Variants in ZNF429 observed in about 807,000 individuals in gnomAD.
The protein encoded by ZNF429 is zinc finger protein 429.
Under a neutral mutation model 56.8 loss-of-function variants are expected in ZNF429, and 53 were observed. The observed-to-expected ratio is 0.93, with a 90% CI of 0.75 to 1.17. The LOEUF is 1.17. ZNF429 is among the 50% of genes most tolerant of loss of function. The pLI, the probability that ZNF429 is intolerant of heterozygous loss-of-function variation, is 0.00. For synonymous variants in ZNF429, 278 were observed against 264.7 expected, an observed-to-expected ratio of 1.05 and a Z score of -0.49; for missense variants, 849 against 788.4, an observed-to-expected ratio of 1.08 and a Z score of -0.92.
In ZNF429 at chr19:21,537,023, C is replaced by T. The variant is rs183440160; in HGVS notation, c.970C>T (p.Arg324Trp). ...KCKECGKAFN[R>W]SSTLTSHKRI... ...TAAAGAATGTGGCAAAGCCTTTAAC[C>T]GGTCCTCAACCCTTACTAGCCATAA... Residue 324 changes from arginine to tryptophan, a missense_variant, in exon 4 of 4, where the codon CGG becomes TGG. Arg to Trp is a moderately radical substitution (Grantham distance 101). Coordinates refer to ENST00000358491, the MANE Select transcript of ZNF429 (RefSeq NM_001001415.4). The T allele has an allele frequency of 2.0e-5, 32 of 1,612,762 alleles. No homozygotes were observed. Among genetic ancestry groups the T allele is most frequent in the Middle Eastern group, 1.7e-4 (1 of 6,058 alleles).
At chr19:21,515,942 G>A (rs1050110914) in intron 1 of ZNF429, among the ~76,000 whole-genome samples, 17 of 152,246 alleles carry the variant, frequency 1.1e-4, no homozygotes, top group African/African-American at 3.6e-4. Context: ...ATTGGTCTAT[G>A]AGTCTGCTTT....
At chr19:21,512,519 C>T (rs1487279515) in intron 1 of ZNF429, among the ~76,000 whole-genome samples, 1 of 151,852 alleles carries the variant, frequency 6.6e-6, no homozygotes, top group Non-Finnish European at 1.5e-5. Flanking sequence ...TAAAAATTAG[C>T]TGGGCATGGT....
At chr19:21,525,931 C>T (rs1420057979) in intron 1 of ZNF429, among the ~76,000 whole-genome samples, 6 of 150,130 alleles carry the variant, frequency 4.0e-5, no homozygotes, top group Non-Finnish European at 8.9e-5. Context: ...AGTACCAACT[C>T]CCAGGGTGTT....
At position 21,535,320 on chromosome 19, in the gene ZNF429, T is replaced by TTTCTTTCTTTCTTTCTTTCTTTCTTTCC; in HGVS notation, c.227-952_227-951insTTCTTTCTTTCTTTCTTTCCTTCTTTCT. On this transcript the variant is annotated intron_variant, in intron 3 of 3. Transcript: ENST00000358491. Reference sequence around the variant, plus strand: ...CCTTCTTTCTTTCTTTCTTTCTTTCTTTCTTTCTCTTTTCTTTTCTTTCCT... The same window carrying TTTCTTTCTTTCTTTCTTTCTTTCTTTCC: ...CCTTCTTTCTTTCTTTCTTTCTTTCTTTCTTTCTTTCTTTCTTTCTTTCTTTCCTTCTTTCTCTTTTCTTTTCTTTCCT... Among the ~76,000 whole-genome samples, 25 of 134,772 alleles carry TTTCTTTCTTTCTTTCTTTCTTTCTTTCC rather than the reference T, an allele frequency of 1.9e-4. 1 individual carries two copies. Among genetic ancestry groups the TTTCTTTCTTTCTTTCTTTCTTTCTTTCC allele is most frequent in the African/African-American group, 7.8e-4 (25 of 32,210 alleles). 88.4% of individuals were successfully genotyped at this position (134,772 alleles called of 152,430 possible). A position where few individuals can be genotyped will look rare whatever the true frequency, so the allele number is the denominator to read the frequency against.
chr19:21,505,962 G>A, intron 1 of ZNF429, 188 bp downstream of exon 1: 1 of 540,858 alleles, frequency 1.8e-6, no homozygotes, highest in Admixed American at 3.1e-5. Context: ...CCGGGCCCCG[G>A]GCGTCCTGTC....
intron 1 of ZNF429, among the ~76,000 whole-genome samples, chr19:21,526,831 T>C (rs1437773975): frequency 6.6e-6 from 1 of 152,200 alleles, no homozygotes; most frequent in Non-Finnish European, 1.5e-5. Context: ...AGATGGTCTG[T>C]GGGTCCTCTT....
chr19:21,516,334 G>A (rs534570529), intron 1 of ZNF429, among the ~76,000 whole-genome samples: 3 of 152,120 alleles, frequency 2.0e-5, no homozygotes, highest in Admixed American at 6.6e-5. Context: ...TGATCCACCC[G>A]CCTCAGCCTC....
At chr19:21,523,858 C>G (rs534622087) in intron 1 of ZNF429, among the ~76,000 whole-genome samples, 211 of 151,490 alleles carry the variant, frequency 1.4e-3, no homozygotes, top group Non-Finnish European at 2.7e-3. Context: ...GAGATCTCTC[C>G]TTTGATTGTT....
At chr19:21,515,240 C>CTTTTTTTTTTTTTTTTT (rs35926199) in intron 1 of ZNF429, among the ~76,000 whole-genome samples, 1 of 128,132 alleles carries the variant, frequency 7.8e-6, no homozygotes, top group African/African-American at 2.9e-5. Context: ...TGTGCCTGGC[C>CTTTTTTTTTTTTTTTTT]TTTTTTTTTT....
chr19:21,508,112 CGTG>C (rs1555740751), intron 1 of ZNF429, among the ~76,000 whole-genome samples: 2 of 151,960 alleles, frequency 1.3e-5, no homozygotes, highest in Non-Finnish European at 2.9e-5. Flanking sequence ...ATTAACCAGG[CGTG>C]GTGGTGCATG....
chr19:21,512,467 C>G (rs2032536550), intron 1 of ZNF429, among the ~76,000 whole-genome samples: 1 of 151,860 alleles, frequency 6.6e-6, no homozygotes, highest in Non-Finnish European at 1.5e-5. Flanking sequence ...CGAGACCAGC[C>G]TGACCAACAT....
At chr19:21,530,419 A>T in intron 2 of ZNF429, among the ~76,000 whole-genome samples, 170 bp from the exon 3 acceptor site, 2 of 152,246 alleles carry the variant, frequency 1.3e-5, no homozygotes, top group South Asian at 4.1e-4. Context: ...GAAATTAAGA[A>T]CCTAAAAATT....
intron 1 of ZNF429, among the ~76,000 whole-genome samples, chr19:21,513,274 C>A (rs943854365): frequency 6.6e-6 from 1 of 152,188 alleles, no homozygotes; most frequent in Non-Finnish European, 1.5e-5. Context: ...TATCCACGTG[C>A]TTTTTATTTT....
rs550380568 is a variant in ZNF429 at position 21,537,828 on chromosome 19, C to T, written c.1775C>T (p.Pro592Leu). ...AAGAAAATTCATAGTGGAGAGAAACCCTACAAATGTGAAGAATGTGGCAAA... is the reference window on the plus strand; with the variant it reads ...AAGAAAATTCATAGTGGAGAGAAACTCTACAAATGTGAAGAATGTGGCAAA... ...SHKKIHSGEK[P>L]YKCEECGKAF... Residue 592 changes from proline (P) to leucine (L), a missense_variant, in exon 4 of 4, where the codon CCC becomes CTC. By Grantham distance (98) the Pro-to-Leu change is moderately conservative. Transcript: ENST00000358491. 3 of 1,613,530 alleles carry T rather than the reference C, an allele frequency of 1.9e-6. No individual in the cohort carries two copies. In the African/African-American group the frequency reaches 4.0e-5, roughly 22 times the overall value.
chr19:21,531,121 A>AAAAAC lies in ZNF429; in HGVS notation c.226+441_226+442insCAAAA. Among the ~76,000 whole-genome samples, 107 of 104,872 alleles carry AAAAAC rather than the reference A, an allele frequency of 1.0e-3. 3 individuals are homozygous for AAAAAC. The highest frequency in any genetic ancestry group is 1.5e-3 in the Non-Finnish European group (77 of 52,914). 68.8% of individuals were successfully genotyped at this position (104,872 alleles called of 152,430 possible). A position where few individuals can be genotyped will look rare whatever the true frequency, so the allele number is the denominator to read the frequency against. On this transcript the variant is annotated intron_variant, in intron 3 of 3. Coordinates refer to ENST00000358491, the MANE Select transcript of ZNF429 (RefSeq NM_001001415.4). ...AACTCCATCTCAAAAAAAAAAAAAA[A>AAAAAC]AAAAAAAACCAAAAAAAAAAAAACA... is the stretch of plus-strand genomic sequence containing the variant.
chr19:21,538,145 G>C lies in ZNF429; in HGVS notation c.*67G>C. The C allele has an allele frequency of 2.8e-6, 2 of 714,124 alleles. No individual in the cohort carries two copies. The highest frequency in any genetic ancestry group is 4.4e-6 in the Non-Finnish European group (2 of 455,704). The allele number at this position is 714,124 out of a possible 1,614,324, so 44.2% of individuals were successfully genotyped here. ...AAAAAAAAAATTAGCCAGGCGTGGT[G>C]GTGGGCACTTGTAGTCCCACCTACT... On this transcript the variant is annotated 3_prime_UTR_variant, in exon 4 of 4. Transcript: ENST00000358491.
At chr19:21,522,496 T>G (rs563495026) in intron 1 of ZNF429, among the ~76,000 whole-genome samples, 3 of 152,356 alleles carry the variant, frequency 2.0e-5, no homozygotes, top group African/African-American at 7.2e-5. Flanking sequence ...TTAATTATAT[T>G]TTCCAAACAC....
intron 1 of ZNF429, among the ~76,000 whole-genome samples, chr19:21,507,946 A>C (rs998887232): frequency 6.6e-6 from 1 of 152,104 alleles, no homozygotes; most frequent in Non-Finnish European, 1.5e-5. Flanking sequence ...ATTCTCTACA[A>C]TTTGTGAAAA....
chr19:21,505,839 C>T (rs1646896476), intron 1 of ZNF429, 65 bp downstream of exon 1: 3 of 1,570,850 alleles, frequency 1.9e-6, no homozygotes, highest in African/African-American at 2.7e-5. Context: ...TGAGAAGTGG[C>T]CGTGGCGGAC....
Sources: allele counts gnomAD v4.1 joint callset (sites outside exome capture counted in the v4.1 genomes callset), GRCh38; gene constraint gnomAD v4.1.1; transcripts MANE v1.5; gene names NCBI Gene and HGNC (gene_info 2026-07-23, HGNC 2026-07-21).